The following CD300A variants were observed in gnomAD, a reference collection of about 807,000 sequenced individuals.
CD300A encodes CD300a molecule.
In CD300A, 22 loss-of-function variants were observed where a neutral mutation model predicts 33.6. The observed-to-expected ratio is 0.66, with a 90% CI of 0.47 to 0.94. CD300A has a LOEUF of 0.94. Ranked by LOEUF, CD300A falls within the 40% of genes least tolerant of loss-of-function variation. The pLI, the probability that CD300A is intolerant of heterozygous loss-of-function variation, is 0.00. For synonymous variants in CD300A, 136 were observed against 148.1 expected (o/e 0.92, Z 0.59); for missense variants, 326 against 360.5 (o/e 0.90, Z 0.77).
At chr17:74,472,430 A>G (rs547165040) in intron 1 of CD300A, among the ~76,000 whole-genome samples, 1 of 152,082 alleles carries the variant, frequency 6.6e-6, no homozygotes, top group East Asian at 1.9e-4. Flanking sequence ...GGCAGCCAAC[A>G]CTAGCTTCGA....
At position 74,484,318 on chromosome 17, in the gene CD300A, G is replaced by A. The variant is rs1907113539; in HGVS notation, c.*192G>A. The A allele has an allele frequency of 3.7e-6, 2 of 538,292 alleles. No homozygotes were observed. The highest frequency in any genetic ancestry group is 4.6e-5 in the South Asian group (2 of 43,762). The allele number at this position is 538,292 out of a possible 1,614,324, so 33.3% of individuals were successfully genotyped here. ...GCTTCCCCGAGGGCCAGCAGGGCTG[G>A]GGGCTCCGGAGAGCAGCAGGAAGCA... is the stretch of plus-strand genomic sequence containing the variant. On this transcript the variant is annotated 3_prime_UTR_variant, in exon 7 of 7. Coordinates refer to ENST00000360141, the MANE Select transcript of CD300A (RefSeq NM_007261.4).
chr17:74,470,091 A>G, intron 1 of CD300A: 2 of 985,398 alleles, frequency 2.0e-6, no homozygotes, highest in South Asian at 9.4e-5. Flanking sequence ...TTAAGACGAC[A>G]GAGGAATATC....
chr17:74,476,285 T>G (rs1428755812), intron 3 of CD300A, among the ~76,000 whole-genome samples: 1 of 152,330 alleles, frequency 6.6e-6, no homozygotes, highest in South Asian at 2.1e-4. Flanking sequence ...TCCTAATTTT[T>G]GGGACATTCC....
chr17:74,482,692 T>TC, intron 6 of CD300A, among the ~76,000 whole-genome samples: 4 of 109,578 alleles, frequency 3.7e-5, no homozygotes, highest in Non-Finnish European at 6.6e-5. Context: ...CTTCCTTCCT[T>TC]CCTTCCTTTC....
chr17:74,467,282 G>A (rs1418260045), intron 1 of CD300A, among the ~76,000 whole-genome samples: 2 of 151,992 alleles, frequency 1.3e-5, no homozygotes, highest in Non-Finnish European at 2.9e-5. Context: ...TCTGGAATGC[G>A]GAGATTTAAC....
chr17:74,479,419 ATT>A (rs75076322), intron 4 of CD300A, among the ~76,000 whole-genome samples: 2 of 147,802 alleles, frequency 1.4e-5, no homozygotes, highest in Non-Finnish European at 1.5e-5. Flanking sequence ...TAATGGTTAA[ATT>A]TTTTTTTTTA....
At chr17:74,478,077 C>G (rs942017449) in intron 4 of CD300A, among the ~76,000 whole-genome samples, 4 of 152,188 alleles carry the variant, frequency 2.6e-5, no homozygotes, top group African/African-American at 9.7e-5. Flanking sequence ...CTTCTTGTAT[C>G]TCCTTTAATG....
intron 4 of CD300A, 55 bp from the exon 5 acceptor site, chr17:74,481,232 CCT>C: frequency 6.4e-7 from 1 of 1,558,780 alleles, no homozygotes; most frequent in Non-Finnish European, 8.8e-7. Flanking sequence ...CTTGTAAGGT[CCT>C]CCATCCTGGC....
At chr17:74,470,249 G>A (rs1906007309) in intron 1 of CD300A, 10 of 984,974 alleles carry the variant, frequency 1.0e-5, no homozygotes, top group African/African-American at 7.0e-5. Flanking sequence ...CCAGGTAAGT[G>A]GGGAAGTAAA....
rs1598450494 is a variant in CD300A at position 74,473,601 on chromosome 17, T to G, written c.106T>G (p.Cys36Gly). The G allele has an allele frequency of 1.2e-6, 2 of 1,614,188 alleles. No individual in the cohort carries two copies. Among genetic ancestry groups the G allele is most frequent in the Non-Finnish European group, 1.7e-6 (2 of 1,180,038 alleles). The change falls in exon 2 of 7, where the codon TGT becomes GGT. Residue 36 changes from cysteine to glycine, a missense_variant. Transcript: ENST00000360141. ...GPVGGSLSVQCPYEKEHRTLN... is the reference protein window; with the variant it reads ...GPVGGSLSVQGPYEKEHRTLN... ...CGTGGGGGGATCCCTGAGTGTGCAG[T>G]GTCCCTATGAGAAGGAACACAGGAC...
chr17:74,477,875 G>GGA (rs1228480249), intron 4 of CD300A, among the ~76,000 whole-genome samples: 1 of 152,124 alleles, frequency 6.6e-6, no homozygotes, highest in African/African-American at 2.4e-5. Flanking sequence ...GGCTGAGATG[G>GGA]GAGGATTGCT....
intron 2 of CD300A, 100 bp downstream of exon 2, chr17:74,473,974 G>A: frequency 7.4e-7 from 1 of 1,353,636 alleles, no homozygotes; most frequent in Non-Finnish European, 1.0e-6. Flanking sequence ...GTGTGTGTGT[G>A]TGCGTAAGAG....
Position 74,476,327 on chromosome 17 carries a change from G to A in CD300A, c.534-1109G>A, listed in dbSNP as rs184107787. ...TTAGAGCCTCCCTCCTAAGAGCTAG[G>A]GACAAAGGCCAGCCAGATTCTTTAC... On this transcript the variant is annotated intron_variant, in intron 3 of 6. Coordinates refer to ENST00000360141, the MANE Select transcript of CD300A (RefSeq NM_007261.4). Among the ~76,000 whole-genome samples, 375 of 152,240 alleles carry A rather than the reference G, an allele frequency of 2.5e-3. 1 individual carries two copies. The highest frequency in any genetic ancestry group is 8.7e-3 in the African/African-American group (360 of 41,522).
chr17:74,482,705 T>G (rs71383056), intron 6 of CD300A, among the ~76,000 whole-genome samples: 1 of 114,432 alleles, frequency 8.7e-6, no homozygotes, highest in African/African-American at 4.8e-5. Flanking sequence ...TTCCTTTCTT[T>G]CTTTCTTTCT....
Position 74,484,203 on chromosome 17 carries a change from C to T in CD300A, c.*77C>T, listed in dbSNP as rs1032744448. On this transcript the variant is annotated 3_prime_UTR_variant, in exon 7 of 7. Coordinates refer to ENST00000360141, the MANE Select transcript of CD300A (RefSeq NM_007261.4). ...GGACAGCTCCCTTATACCTGGCCCA[C>T]GTCCTTCTCAGCCTGCCCTCGACAA... 1.3e-5 allele frequency: 20 copies of T among 1,510,898 alleles called. 1 individual carries two copies. Among genetic ancestry groups the T allele is most frequent in the Middle Eastern group, 4.7e-4 (2 of 4,216 alleles). 93.6% of individuals were successfully genotyped at this position (1,510,898 alleles called of 1,614,324 possible).
intron 4 of CD300A, among the ~76,000 whole-genome samples, chr17:74,479,064 T>C (rs11871595): frequency 0.34 from 52,298 of 151,836 alleles, 9,676 homozygotes; most frequent in East Asian, 0.64. Flanking sequence ...AAAGGATGTA[T>C]GTGATTATTG....
At chr17:74,468,155 C>T (rs1462443353) in intron 1 of CD300A, among the ~76,000 whole-genome samples, 1 of 152,016 alleles carries the variant, frequency 6.6e-6, no homozygotes, top group Non-Finnish European at 1.5e-5. Flanking sequence ...CTGCCTCAGC[C>T]TCCCGAGTAG....
At chr17:74,467,672 G>A (rs796594043) in intron 1 of CD300A, among the ~76,000 whole-genome samples, 21 of 152,330 alleles carry the variant, frequency 1.4e-4, no homozygotes, top group African/African-American at 5.1e-4. Flanking sequence ...GAGGTTTTCT[G>A]CAATTATATT....
chr17:74,466,623 G>A, upstream of CD300A: 4 of 1,458,128 alleles, frequency 2.7e-6, no homozygotes, highest in South Asian at 4.9e-5. Flanking sequence ...AGAAGTCGGG[G>A]CCTTGGAGGC....
Sources: gnomAD v4.1 joint callset for allele counts (sites outside exome capture counted in the v4.1 genomes callset) on GRCh38, gnomAD v4.1.1 for gene constraint, MANE v1.5 for transcripts, NCBI Gene and HGNC (gene_info 2026-07-23, HGNC 2026-07-21) for gene names.